TNFAIP8: variants seen among roughly 807,000 people sequenced by gnomAD.
TNFAIP8 encodes tumor necrosis factor alpha-induced protein 8.
A neutral mutation model predicts 13.3 loss-of-function variants in TNFAIP8; 7 were observed. The observed-to-expected ratio is 0.52, with a 90% confidence interval of 0.30 to 0.99. The LOEUF (loss-of-function observed/expected upper bound fraction) is 0.99, where lower values mean the gene tolerates loss of function less well. TNFAIP8 is among the 50% of genes least tolerant of loss of function. The pLI is 0.07. For synonymous variants in TNFAIP8, 94 were observed against 87.6 expected (o/e 1.07, Z -0.41); for missense variants, 258 against 236.9 (o/e 1.09, Z -0.58).
At chr5:119,334,906 G>GT (rs1750502335) in intron 1 of TNFAIP8, among the ~76,000 whole-genome samples, 1 of 152,066 alleles carries the variant, frequency 6.6e-6, no homozygotes, top group South Asian at 2.1e-4. Flanking sequence ...GGTAGGTAGC[G>GT]TACTTTGGCA....
intron 1 of TNFAIP8, among the ~76,000 whole-genome samples, chr5:119,322,540 G>C (rs1188187255): frequency 6.6e-6 from 1 of 152,198 alleles, no homozygotes; most frequent in Admixed American, 6.5e-5. Flanking sequence ...TTTAATGCTA[G>C]GTGGGGACCT....
At chr5:119,390,216 T>C (rs1752841277) in intron 1 of TNFAIP8, among the ~76,000 whole-genome samples, 1 of 152,156 alleles carries the variant, frequency 6.6e-6, no homozygotes, top group Non-Finnish European at 1.5e-5. Context: ...AAAAACACAA[T>C]AACATTTCAA....
intron 1 of TNFAIP8, among the ~76,000 whole-genome samples, chr5:119,357,875 T>G (rs983912743): frequency 6.6e-6 from 1 of 152,064 alleles, no homozygotes; most frequent in Non-Finnish European, 1.5e-5. Context: ...TTGAGGGAGA[T>G]TGAACACTTT....
chr5:119,299,250 G>A (rs1561989567), intron 1 of TNFAIP8, among the ~76,000 whole-genome samples: 1 of 152,040 alleles, frequency 6.6e-6, no homozygotes, highest in African/African-American at 2.4e-5. Flanking sequence ...ATCTACTTTT[G>A]GTCTTTGATG....
chr5:119,349,623 G>A (rs1280865421), intron 1 of TNFAIP8, among the ~76,000 whole-genome samples: 1 of 152,196 alleles, frequency 6.6e-6, no homozygotes. Flanking sequence ...GAGGCTTACT[G>A]AACTTTTAAT....
intron 1 of TNFAIP8, among the ~76,000 whole-genome samples, chr5:119,283,223 A>G (rs1748687499): frequency 6.6e-6 from 1 of 152,168 alleles, no homozygotes; most frequent in Non-Finnish European, 1.5e-5. Flanking sequence ...GGCCATTCCG[A>G]CTTTTTCTTT....
intron 1 of TNFAIP8, among the ~76,000 whole-genome samples, chr5:119,315,265 G>A (rs1749854350): frequency 6.6e-6 from 1 of 152,056 alleles, no homozygotes; most frequent in South Asian, 2.1e-4. Flanking sequence ...TGTATTTTTA[G>A]TAGGGACAGG....
At chr5:119,301,363 G>A (rs56319623) in intron 1 of TNFAIP8, among the ~76,000 whole-genome samples, 13,124 of 151,862 alleles carry the variant, frequency 0.086, 783 homozygotes, top group African/African-American at 0.17. Context: ...TCCCTTGTCC[G>A]CCTTCTTTAC....
At chr5:119,308,286 T>C (rs1459685938) in intron 1 of TNFAIP8, among the ~76,000 whole-genome samples, 2 of 152,206 alleles carry the variant, frequency 1.3e-5, no homozygotes, top group Non-Finnish European at 2.9e-5. Context: ...ATCTGTATCA[T>C]TTCCCAAGGG....
chr5:119,283,865 A>AAAAAC (rs559872136), intron 1 of TNFAIP8, among the ~76,000 whole-genome samples: 20 of 152,362 alleles, frequency 1.3e-4, no homozygotes, highest in African/African-American at 4.8e-4. Context: ...CTTGGGTTAA[A>AAAAAC]AAAACAAAAC....
chr5:119,356,966 T>C (rs1751452137), intron 1 of TNFAIP8, among the ~76,000 whole-genome samples: 1 of 152,176 alleles, frequency 6.6e-6, no homozygotes, highest in South Asian at 2.1e-4. Context: ...TATTCAAGAT[T>C]GTGAAATACT....
intron 1 of TNFAIP8, among the ~76,000 whole-genome samples, chr5:119,362,830 G>C (rs1169618895): frequency 1.3e-5 from 2 of 151,954 alleles, no homozygotes; most frequent in African/African-American, 4.8e-5. Context: ...ATGGTTTTCA[G>C]CTGGATGGAG....
intron 1 of TNFAIP8, among the ~76,000 whole-genome samples, chr5:119,278,066 A>G (rs1041615302): frequency 1.3e-5 from 2 of 152,192 alleles, no homozygotes; most frequent in Admixed American, 1.3e-4. Flanking sequence ...GACACAATTC[A>G]GATCATAACA....
At chr5:119,291,140 G>T (rs891580357) in intron 1 of TNFAIP8, among the ~76,000 whole-genome samples, 4 of 151,932 alleles carry the variant, frequency 2.6e-5, no homozygotes, top group African/African-American at 7.3e-5. Context: ...TAACACTTTT[G>T]CCCATGTCCC....
chr5:119,269,086 G>A (rs1748183764), intron 1 of TNFAIP8, among the ~76,000 whole-genome samples: 1 of 152,242 alleles, frequency 6.6e-6, no homozygotes, highest in African/African-American at 2.4e-5. Flanking sequence ...ACGAGTGTGT[G>A]CAGGAGCGCA....
intron 1 of TNFAIP8, among the ~76,000 whole-genome samples, chr5:119,292,683 TATAC>T (rs1339464125): frequency 6.2e-3 from 228 of 36,558 alleles, no homozygotes; most frequent in African/African-American, 0.016. Flanking sequence ...TATATATATA[TATAC>T]ACACACACAC....
chr5:119,377,394 TTAAA>T (rs539791172), intron 1 of TNFAIP8, among the ~76,000 whole-genome samples: 89 of 150,540 alleles, frequency 5.9e-4, no homozygotes, highest in African/African-American at 1.9e-3. Context: ...AAATAAATAA[TTAAA>T]TAAGAAGTAA....
rs533790721 is a variant in TNFAIP8 at position 119,360,801 on chromosome 5, G to A, written c.31+4680G>A. Among the ~76,000 whole-genome samples the A allele has an allele frequency of 5.3e-5, 8 of 152,272 alleles. No homozygotes were observed. The South Asian group carries it at 6.2e-4, about 12-fold the overall frequency. On this transcript the variant is annotated intron_variant, in intron 1 of 1. Transcript: ENST00000504771. ...TACCTCTTGGGGGGATTTATAAAAC[G>A]CAGATGAATGTTTAAACAAATGAAG...
At chr5:119,306,088 C>T (rs1358123735) in intron 1 of TNFAIP8, among the ~76,000 whole-genome samples, 3 of 152,182 alleles carry the variant, frequency 2.0e-5, no homozygotes, top group Admixed American at 6.5e-5. Context: ...TTCCAGAAAA[C>T]AGGACTTCCT....
Sources: allele counts gnomAD v4.1 joint callset (sites outside exome capture counted in the v4.1 genomes callset), GRCh38; gene constraint gnomAD v4.1.1; transcripts MANE v1.5; gene names NCBI Gene and HGNC (gene_info 2026-07-23, HGNC 2026-07-21).